The following CDC42BPB variants were observed in gnomAD, a reference collection of about 807,000 sequenced individuals.
CDC42BPB encodes serine/threonine-protein kinase MRCK beta.
In CDC42BPB, 37 loss-of-function variants were observed where a neutral mutation model predicts 214.9. That is an observed-to-expected ratio of 0.17 (90% CI 0.13 to 0.23). The LOEUF is 0.23. CDC42BPB is among the 10% of genes least tolerant of loss of function. The pLI is 1.00. For missense variants in CDC42BPB, 1,694 were observed against 2,227.0 expected (o/e 0.76, Z 4.82); for synonymous variants, 931 against 884.0 (o/e 1.05, Z -0.94).
intron 1 of CDC42BPB, among the ~76,000 whole-genome samples, chr14:103,020,374 C>T (rs1886699937): frequency 6.6e-6 from 1 of 152,214 alleles, no homozygotes; most frequent in East Asian, 1.9e-4. Flanking sequence ...TAACCGCCAG[C>T]TACCACTCCG....
intron 3 of CDC42BPB, among the ~76,000 whole-genome samples, chr14:103,005,851 C>A (rs1351489317): frequency 1.3e-5 from 2 of 151,932 alleles, no homozygotes. Context: ...GAAACCCCGT[C>A]TCTACTAAAA....
At chr14:102,986,766 G>GC in intron 5 of CDC42BPB, 186 bp from the exon 6 acceptor site, 1 of 981,268 alleles carries the variant, frequency 1.0e-6, no homozygotes, top group African/African-American at 1.7e-5. Context: ...TCGTATCACT[G>GC]CCCCTCGTTT....
intron 30 of CDC42BPB, chr14:102,941,426 G>C (rs1364610765): frequency 1.0e-6 from 1 of 985,298 alleles, no homozygotes; most frequent in Non-Finnish European, 1.2e-6. Context: ...AATCAAACAG[G>C]GTTTGCAAGA....
chr14:102,981,564 T>C (rs1382766315), intron 7 of CDC42BPB, among the ~76,000 whole-genome samples: 1 of 152,194 alleles, frequency 6.6e-6, no homozygotes, highest in Non-Finnish European at 1.5e-5. Flanking sequence ...GCAGATCACC[T>C]GAGGTCAGGA....
chr14:102,941,616 A>C, intron 30 of CDC42BPB: 1 of 940,296 alleles, frequency 1.1e-6, no homozygotes, highest in Non-Finnish European at 1.3e-6. Context: ...TTCGCTTGCA[A>C]GGAAGCAGGA....
intron 21 of CDC42BPB, among the ~76,000 whole-genome samples, chr14:102,957,363 T>G (rs1355263939): frequency 6.6e-6 from 1 of 152,108 alleles, no homozygotes; most frequent in Admixed American, 6.6e-5. Context: ...GGCTGTAAAC[T>G]CACTTGCTAC....
chr14:103,021,334 C>T (rs1057225047), intron 1 of CDC42BPB, among the ~76,000 whole-genome samples: 20 of 152,152 alleles, frequency 1.3e-4, no homozygotes, highest in Admixed American at 2.6e-4. Flanking sequence ...GGCGTGGTGG[C>T]GGGCACCTGT....
Position 102,967,147 on chromosome 14 carries a change from G to A in CDC42BPB, c.2370C>T (p.Leu790=), listed in dbSNP as rs755660831. 7 of 1,613,982 alleles carry A rather than the reference G, an allele frequency of 4.3e-6. No homozygotes were observed. The highest frequency in any genetic ancestry group is 5.9e-6 in the Non-Finnish European group (7 of 1,179,952). Residue 790 remains leucine (L), a synonymous_variant, in exon 17 of 37, where the codon CTC becomes CTT. Coordinates refer to ENST00000361246, the MANE Select transcript of CDC42BPB (RefSeq NM_006035.4). Reference sequence around the variant, plus strand: ...CCTCCAGCTGTCTATTTTGAGCTGTGAGTTTATCCACAAAGGAACAGAGCT... The same window carrying A: ...CCTCCAGCTGTCTATTTTGAGCTGTAAGTTTATCCACAAAGGAACAGAGCT... The part of the protein sequence containing the change: ...NEKLCSFVDK[L]TAQNRQLEDE...
At chr14:102,954,961 C>A in intron 21 of CDC42BPB, 1 of 213,282 alleles carries the variant, frequency 4.7e-6, no homozygotes, top group African/African-American at 2.3e-5. Flanking sequence ...ACAGTCACCC[C>A]GCTGAGGTGA....
At chr14:103,007,968 G>A (rs1885937112) in intron 3 of CDC42BPB, among the ~76,000 whole-genome samples, 1 of 152,200 alleles carries the variant, frequency 6.6e-6, no homozygotes, top group Non-Finnish European at 1.5e-5. Flanking sequence ...AGAGCACGCG[G>A]CTGTAGAGGT....
At chr14:103,027,881 G>A (rs1887139808) in intron 1 of CDC42BPB, among the ~76,000 whole-genome samples, 1 of 152,206 alleles carries the variant, frequency 6.6e-6, no homozygotes, top group Admixed American at 6.5e-5. Flanking sequence ...TGTAATCCCA[G>A]CACTTTGGGA....
chr14:102,933,525 T>C lies in CDC42BPB; in HGVS notation c.*187A>G, dbSNP rs1275112690. 2.0e-5 allele frequency: 10 copies of C among 493,000 alleles called. No homozygotes were observed. The highest frequency in any genetic ancestry group is 3.4e-5 in the Non-Finnish European group (10 of 293,774). The allele number at this position is 493,000 out of a possible 1,614,324, so 30.5% of individuals were successfully genotyped here. On this transcript the variant is annotated 3_prime_UTR_variant, in exon 37 of 37. Coordinates refer to ENST00000361246, the MANE Select transcript of CDC42BPB (RefSeq NM_006035.4). ...TCACAGCTGTGCAGACGAACAGATGTGGTCTACTGCCACGAACAATGCGGC... is the reference window on the plus strand; with the variant it reads ...TCACAGCTGTGCAGACGAACAGATGCGGTCTACTGCCACGAACAATGCGGC...
chr14:102,991,852 T>C (rs1197357277), intron 5 of CDC42BPB, among the ~76,000 whole-genome samples: 19 of 152,220 alleles, frequency 1.2e-4, no homozygotes, highest in Non-Finnish European at 2.9e-5. Context: ...TATGATTCCA[T>C]ATATATAGTA....
At chr14:102,968,194 T>C (rs1347630555) in intron 16 of CDC42BPB, 59 bp downstream of exon 16, 1 of 1,270,778 alleles carries the variant, frequency 7.9e-7, no homozygotes, top group African/African-American at 1.5e-5. Flanking sequence ...TAAAAATAAT[T>C]TTTTTTTAAA....
intron 17 of CDC42BPB, 77 bp downstream of exon 17, chr14:102,966,969 A>G: frequency 2.6e-6 from 4 of 1,526,960 alleles, no homozygotes; most frequent in Non-Finnish European, 3.6e-6. Context: ...GCACAGGATC[A>G]GGCAGAAGAG....
chr14:103,039,715 G>A (rs1887877003), intron 1 of CDC42BPB, among the ~76,000 whole-genome samples: 1 of 152,146 alleles, frequency 6.6e-6, no homozygotes, highest in Non-Finnish European at 1.5e-5. Context: ...AGAAAGACAA[G>A]AATGTCCCTA....
intron 1 of CDC42BPB, among the ~76,000 whole-genome samples, chr14:103,050,959 T>C (rs949961961): frequency 6.6e-6 from 1 of 152,124 alleles, no homozygotes; most frequent in Admixed American, 6.6e-5. Flanking sequence ...TTCTAATTCC[T>C]AAGAAAAACA....
chr14:103,031,938 T>C (rs760638693), intron 1 of CDC42BPB, among the ~76,000 whole-genome samples: 1 of 152,058 alleles, frequency 6.6e-6, no homozygotes, highest in Non-Finnish European at 1.5e-5. Flanking sequence ...AACTCCAAAG[T>C]GTCTCCAGTG....
In CDC42BPB at chr14:103,031,078, T is replaced by C. The variant is rs77739375; in HGVS notation, c.176-18890A>G. Reference sequence around the variant, plus strand: ...CTGAACCTAAGCATTTCTGAGTTACTTTTTTTTTAATTAAAAAAAATATTT... The same window carrying C: ...CTGAACCTAAGCATTTCTGAGTTACCTTTTTTTTAATTAAAAAAAATATTT... On this transcript the variant is annotated intron_variant, in intron 1 of 36. Coordinates refer to ENST00000361246, the MANE Select transcript of CDC42BPB (RefSeq NM_006035.4). Among the ~76,000 whole-genome samples, 1,154 of 151,154 alleles carry C rather than the reference T, an allele frequency of 7.6e-3. 23 individuals carry two copies. The highest frequency in any genetic ancestry group is 0.027 in the African/African-American group (1,092 of 41,204).
Sources: gnomAD v4.1 joint callset for allele counts (sites outside exome capture counted in the v4.1 genomes callset) on GRCh38, gnomAD v4.1.1 for gene constraint, MANE v1.5 for transcripts, NCBI Gene and HGNC (gene_info 2026-07-23, HGNC 2026-07-21) for gene names.